The following KCNQ1 variants were observed in gnomAD, a reference collection of about 807,000 sequenced individuals.
KCNQ1 encodes the protein potassium voltage-gated channel subfamily KQT member 1.
A neutral mutation model predicts 72.4 loss-of-function variants in KCNQ1; 49 were observed. The observed-to-expected ratio is 0.68, with a 90% CI of 0.54 to 0.86. KCNQ1 has a LOEUF of 0.86. Among genes scored for constraint, KCNQ1 ranks in the 40% least tolerant of loss-of-function variants. KCNQ1 has a pLI of 0.00. For synonymous variants in KCNQ1, 450 were observed against 412.6 expected, an observed-to-expected ratio of 1.09 and a Z score of -1.10; for missense variants, 790 against 945.1, an observed-to-expected ratio of 0.84 and a Z score of 2.15.
rs1009754894 is a variant in KCNQ1, at chr11:2,735,727, G to A, written c.1515-33117G>A. On this transcript the variant is annotated intron_variant, in intron 11 of 15. Transcript: ENST00000155840. This position sits in a 1 kb window ranked among gnomAD's most constrained non-coding sequence, Gnocchi z 7.7. ...GAGTCCAAGGTCAAGGTGCTGCAGG[G>A]CTGGGTCCTCCTGCAGCCTCTCTCC... Among the ~76,000 whole-genome samples, 2 of 152,038 alleles carry A rather than the reference G, an allele frequency of 1.3e-5. No homozygotes were observed. Among genetic ancestry groups the A allele is most frequent in the African/African-American group, 4.8e-5 (2 of 41,400 alleles).
intron 11 of KCNQ1, chr11:2,692,466 C>A: frequency 2.5e-6 from 1 of 398,736 alleles, no homozygotes; most frequent in Non-Finnish European, 4.4e-6. Context: ...AATCCTGCAG[C>A]TGCCTTTCTG....
rs915613481 is a variant in KCNQ1 at position 2,809,557 on chromosome 11, C to T, written c.1794+31520C>T. ...GTGGCAACAGACTCCCCATAGTCCT[C>T]TCACCACAGACACCTCTTCTCAGTT... On this transcript the variant is annotated intron_variant, in intron 15 of 15. Coordinates refer to ENST00000155840, the MANE Select transcript of KCNQ1 (RefSeq NM_000218.3). This position sits in a 1 kb window ranked among gnomAD's most constrained non-coding sequence, Gnocchi z 7.1. Among the ~76,000 whole-genome samples the T allele has an allele frequency of 1.3e-5, 2 of 152,174 alleles. No individual in the cohort carries two copies. Among genetic ancestry groups the T allele is most frequent in the Non-Finnish European group, 2.9e-5 (2 of 68,034 alleles).
Position 2,627,150 on chromosome 11 carries a change from G to A in KCNQ1, c.1394-34811G>A, listed in dbSNP as rs1849274453. 1 of 398,328 alleles carries A rather than the reference G, an allele frequency of 2.5e-6. No individual in the cohort carries two copies. The highest frequency in any genetic ancestry group is 2.1e-5 in the African/African-American group (1 of 48,568). The allele number at this position is 398,328 out of a possible 1,614,324, so 24.7% of individuals were successfully genotyped here. A position where few individuals can be genotyped will look rare whatever the true frequency, so the allele number is the denominator to read the frequency against. On this transcript the variant is annotated intron_variant, in intron 10 of 15. Transcript: ENST00000155840. The surrounding 1 kb of genome is among the most constrained non-coding windows in gnomAD (Gnocchi z 4.9). ...GACTTTCACCTCCTTGGTAAAGTTG[G>A]TTCCTAAGTTTGTTATTCTTGATGC... is the stretch of plus-strand genomic sequence containing the variant.
chr11:2,531,065 C>T (rs923690320), intron 2 of KCNQ1, among the ~76,000 whole-genome samples: 4 of 152,188 alleles, frequency 2.6e-5, no homozygotes, highest in Admixed American at 2.0e-4. Flanking sequence ...AGCACCACAG[C>T]GTCCAAGTTC....
chr11:2,628,455 A>G (rs1298145405), intron 10 of KCNQ1: 2 of 398,320 alleles, frequency 5.0e-6, no homozygotes, highest in African/African-American at 4.1e-5. Context: ...ATGTCTATTC[A>G]GTCCCTTGTC....
At position 2,653,841 on chromosome 11, in the gene KCNQ1, C is replaced by T. The variant is rs1014326091; in HGVS notation, c.1394-8120C>T. 2.5e-6 allele frequency: 1 copy of T among 398,626 alleles called. No individual in the cohort carries two copies. The highest frequency in any genetic ancestry group is 4.4e-6 in the Non-Finnish European group (1 of 226,084). The allele number at this position is 398,626 out of a possible 1,614,324, so 24.7% of individuals were successfully genotyped here. On this transcript the variant is annotated intron_variant, in intron 10 of 15. Transcript: ENST00000155840. The surrounding 1 kb of genome is among the most constrained non-coding windows in gnomAD (Gnocchi z 5.3). The stretch of plus-strand genomic sequence containing the variant: ...CCACAGGGACCCCTTTGGGGATGGC[C>T]AGAGGGTACCTAAACACTGCACACT...
rs1386851912 is a variant in KCNQ1 at position 2,723,138 on chromosome 11, C to G, written c.1515-45706C>G. ...GCTCCGCCTTCCTCTGTGGCTCTGC[C>G]TTCCTCTTGGCTCCGCCTTCCTCCG... is the stretch of plus-strand genomic sequence containing the variant. On this transcript the variant is annotated intron_variant, in intron 11 of 15. Transcript: ENST00000155840. This position sits in a 1 kb window ranked among gnomAD's most constrained non-coding sequence, Gnocchi z 4.2. 2.6e-5 allele frequency among the ~76,000 whole-genome samples: 4 copies of G among 152,246 alleles called. No individual in the cohort carries two copies. Among genetic ancestry groups the G allele is most frequent in the Admixed American group, 2.6e-4 (4 of 15,290 alleles).
chr11:2,602,883 A>T lies in KCNQ1; in HGVS notation c.1393+14029A>T, dbSNP rs371511070. 3.9e-5 allele frequency among the ~76,000 whole-genome samples: 6 copies of T among 152,344 alleles called. No homozygotes were observed. In the East Asian group the frequency reaches 9.6e-4, roughly 24 times the overall value. ...TGTAGCTTTCATTGTCATCATCTCA[A>T]CAGGGTACTTTACAGAGCAAACATT... On this transcript the variant is annotated intron_variant, in intron 10 of 15. Transcript: ENST00000155840. The surrounding 1 kb of genome is among the most constrained non-coding windows in gnomAD (Gnocchi z 4.8).
In KCNQ1 at chr11:2,762,699, C is replaced by A. The variant is rs1846423293; in HGVS notation, c.1515-6145C>A. Among the ~76,000 whole-genome samples the A allele has an allele frequency of 6.6e-6, 1 of 152,228 alleles. No individual in the cohort carries two copies. Among genetic ancestry groups the A allele is most frequent in the Admixed American group, 6.5e-5 (1 of 15,288 alleles). ...CATTAGATTCTCGCAGGAGCGCGAACCCTGTTGTGAATGCACATGTGAGGG... is the reference window on the plus strand; with the variant it reads ...CATTAGATTCTCGCAGGAGCGCGAAACCTGTTGTGAATGCACATGTGAGGG... On this transcript the variant is annotated intron_variant, in intron 11 of 15. Coordinates refer to ENST00000155840, the MANE Select transcript of KCNQ1 (RefSeq NM_000218.3). This position sits in a 1 kb window ranked among gnomAD's most constrained non-coding sequence, Gnocchi z 4.3.
chr11:2,641,004 T>C (rs947421713), intron 10 of KCNQ1: 1 of 398,576 alleles, frequency 2.5e-6, no homozygotes. Context: ...ATTTCATTCT[T>C]CTTTGGTCAA....
intron 1 of KCNQ1, among the ~76,000 whole-genome samples, chr11:2,490,880 T>G (rs1310174273): frequency 6.6e-6 from 1 of 151,954 alleles, no homozygotes; most frequent in East Asian, 2.0e-4. Flanking sequence ...TTTGTTTGTT[T>G]GTTTTAGTAG....
rs568918757 is a variant in KCNQ1, at chr11:2,764,438, G to C, written c.1515-4406G>C. 3.5e-4 allele frequency among the ~76,000 whole-genome samples: 53 copies of C among 152,324 alleles called. No homozygotes were observed. Among genetic ancestry groups the C allele is most frequent in the Non-Finnish European group, 5.7e-4 (39 of 68,020 alleles). On this transcript the variant is annotated intron_variant, in intron 11 of 15. Transcript: ENST00000155840. This position sits in a 1 kb window ranked among gnomAD's most constrained non-coding sequence, Gnocchi z 4.8. Reference sequence around the variant, plus strand: ...GTGTTTGGGCACAGTGCTACATGCAGCTTGCTGGTGGTGGTTAGGATATTT... The same window carrying C: ...GTGTTTGGGCACAGTGCTACATGCACCTTGCTGGTGGTGGTTAGGATATTT...
chr11:2,812,767 G>A (rs1047258620), intron 15 of KCNQ1, among the ~76,000 whole-genome samples: 1 of 152,100 alleles, frequency 6.6e-6, no homozygotes. Flanking sequence ...GAGGCCCCAC[G>A]CCCCCGGGGC....
Position 2,661,610 on chromosome 11 carries a change from G to A in KCNQ1, c.1394-351G>A. ...GTTGTCCCTTACCAGGCCTGTGCCTGTCACCTCTGTTTTATTCTTGACCCA... is the reference window on the plus strand; with the variant it reads ...GTTGTCCCTTACCAGGCCTGTGCCTATCACCTCTGTTTTATTCTTGACCCA... On this transcript the variant is annotated intron_variant, in intron 10 of 15. Transcript: ENST00000155840. This position sits in a 1 kb window ranked among gnomAD's most constrained non-coding sequence, Gnocchi z 5.9. 2 of 581,674 alleles carry A rather than the reference G, an allele frequency of 3.4e-6. No individual in the cohort carries two copies. The highest frequency in any genetic ancestry group is 2.2e-5 in the South Asian group (1 of 44,802). The allele number at this position is 581,674 out of a possible 1,614,324, so 36.0% of individuals were successfully genotyped here.
Position 2,655,487 on chromosome 11 carries a change from G to A in KCNQ1, c.1394-6474G>A, listed in dbSNP as rs554095449. On this transcript the variant is annotated intron_variant, in intron 10 of 15. Transcript: ENST00000155840. The stretch of plus-strand genomic sequence containing the variant: ...TGCTCCGGTACCTCCTGCAGAGCCT[G>A]GATATCCAGATGAACTGCCCTTTCA... The A allele has an allele frequency of 1.8e-4, 72 of 398,670 alleles. 1 individual carries two copies. In the South Asian group the frequency reaches 8.1e-3, roughly 45 times the overall value. 24.7% of individuals were successfully genotyped at this position (398,670 alleles called of 1,614,324 possible).
chr11:2,700,298 G>GGCCAGC (rs1477700947), intron 11 of KCNQ1, among the ~76,000 whole-genome samples: 2 of 152,130 alleles, frequency 1.3e-5, no homozygotes, highest in Non-Finnish European at 2.9e-5. Flanking sequence ...CGGGGGCCGG[G>GGCCAGC]GCCAGCGCCA....
At chr11:2,833,771 C>T (rs545984724) in intron 15 of KCNQ1, among the ~76,000 whole-genome samples, 13 of 152,330 alleles carry the variant, frequency 8.5e-5, no homozygotes, top group South Asian at 2.1e-4. Context: ...GAGACGGGAC[C>T]GAGACAACAG....
rs1031764364 is a variant in KCNQ1 at position 2,809,120 on chromosome 11, A to T, written c.1794+31083A>T. Among the ~76,000 whole-genome samples, 1 of 152,180 alleles carries T rather than the reference A, an allele frequency of 6.6e-6. No homozygotes were observed. The highest frequency in any genetic ancestry group is 1.5e-5 in the Non-Finnish European group (1 of 68,034). On this transcript the variant is annotated intron_variant, in intron 15 of 15. Transcript: ENST00000155840. The surrounding 1 kb of genome is among the most constrained non-coding windows in gnomAD (Gnocchi z 7.1). The stretch of plus-strand genomic sequence containing the variant: ...AGTGAGTAGATGAATGAGTGGGCAG[A>T]CAGACAGACACACCATCAGAAGCAA...
rs1846623489 is a variant in KCNQ1 at position 2,772,761 on chromosome 11, G to A, written c.1591-3199G>A. Among the ~76,000 whole-genome samples, 3 of 152,124 alleles carry A rather than the reference G, an allele frequency of 2.0e-5. No homozygotes were observed. Among genetic ancestry groups the A allele is most frequent in the Non-Finnish European group, 4.4e-5 (3 of 68,002 alleles). On this transcript the variant is annotated intron_variant, in intron 12 of 15. Transcript: ENST00000155840. The surrounding 1 kb of genome is among the most constrained non-coding windows in gnomAD (Gnocchi z 6.6). ...ACAACAGGCCTGTTTGGAAGCACTC[G>A]CATCTGCAGAGGCTGCTAACACACA...
Sources: gnomAD v4.1 joint callset for allele counts (sites outside exome capture counted in the v4.1 genomes callset) on GRCh38, gnomAD v4.1.1 for gene constraint, Gnocchi (gnomAD v3.1) non-coding constraint, MANE v1.5 for transcripts, NCBI Gene and HGNC (gene_info 2026-07-23, HGNC 2026-07-21) for gene names.